CD163L1: variants seen among roughly 807,000 people sequenced by gnomAD.
CD163L1 encodes scavenger receptor cysteine-rich type 1 protein M160.
In CD163L1, 124 loss-of-function variants were observed where a neutral mutation model predicts 165.4. The ratio of observed to expected loss-of-function variants is 0.75; its 90% CI spans 0.65 to 0.87. The LOEUF (loss-of-function observed/expected upper bound fraction) is 0.87. CD163L1 is among the 40% of genes least tolerant of loss of function. CD163L1 has a pLI of 0.00. For synonymous variants in CD163L1, 585 were observed against 662.2 expected (o/e 0.88, Z 1.79); for missense variants, 1,525 against 1,799.9 (o/e 0.85, Z 2.76).
chr12:7,348,583 T>C (rs904978621), intron 4 of CD163L1, among the ~76,000 whole-genome samples: 2 of 152,174 alleles, frequency 1.3e-5, no homozygotes, highest in Non-Finnish European at 2.9e-5. Flanking sequence ...TAAGCTTTGT[T>C]ACCTTCAGCA....
intron 4 of CD163L1, among the ~76,000 whole-genome samples, chr12:7,423,433 G>T (rs1322420579): frequency 1.3e-5 from 2 of 151,644 alleles, no homozygotes; most frequent in Non-Finnish European, 2.9e-5. Flanking sequence ...GAGAAGGAGA[G>T]CATACAAATT....
intron 4 of CD163L1, among the ~76,000 whole-genome samples, chr12:7,419,586 G>A (rs1948309514): frequency 6.6e-6 from 1 of 151,962 alleles, no homozygotes; most frequent in Non-Finnish European, 1.5e-5. Flanking sequence ...TTGCTGATAT[G>A]ATCATATACC....
chr12:7,421,439 A>G (rs1441725802), intron 4 of CD163L1, among the ~76,000 whole-genome samples: 5 of 110,832 alleles, frequency 4.5e-5, no homozygotes, highest in Admixed American at 9.2e-5. Flanking sequence ...GTACATATAT[A>G]CATATACATA....
the CD163L1 span, chr12:7,323,469 A>G: frequency 2.5e-6 from 4 of 1,613,778 alleles, no homozygotes; most frequent in African/African-American, 4.0e-5. Context: ...ATTATAGATG[A>G]AAATGGCAAT....
At chr12:7,322,552 AG>A in the CD163L1 span, 2 of 1,610,138 alleles carry the variant, frequency 1.2e-6, no homozygotes, top group South Asian at 1.1e-5. Flanking sequence ...GTATATCTAA[AG>A]GGCATTTATG....
chr12:7,343,265 C>G (rs1946649005), downstream of CD163L1, among the ~76,000 whole-genome samples: 1 of 152,186 alleles, frequency 6.6e-6, no homozygotes, highest in African/African-American at 2.4e-5. Flanking sequence ...GGAGGAATTT[C>G]AGGATGGAAT....
chr12:7,441,108 G>T, intron 2 of CD163L1, 46 bp downstream of exon 2: 2 of 1,335,790 alleles, frequency 1.5e-6, no homozygotes, highest in Non-Finnish European at 2.2e-6. Context: ...GGGAAAGGTA[G>T]AATAGAGGAT....
chr12:7,375,903 G>A lies in CD163L1; in HGVS notation c.2483C>T (p.Ala828Val). ...SVCDSDFSLHAANVLCRELNC... is the reference protein window; with the variant it reads ...SVCDSDFSLHVANVLCRELNC... ...TAATTCTCTGCACAGCACATTGGCA[G>A]CATGAAGAGAGAAATCAGAATCACA... is the stretch of plus-strand genomic sequence containing the variant. The change falls in exon 10 of 20, where the codon GCT becomes GTT. Residue 828 changes from alanine to valine, a missense_variant. Coordinates refer to ENST00000313599, the MANE Select transcript of CD163L1 (RefSeq NM_174941.6). The A allele has an allele frequency of 2.5e-6, 4 of 1,614,196 alleles. No homozygotes were observed. Among genetic ancestry groups the A allele is most frequent in the Non-Finnish European group, 3.4e-6 (4 of 1,180,028 alleles).
chr12:7,427,026 AG>A (rs1948555685), intron 4 of CD163L1, among the ~76,000 whole-genome samples: 2 of 152,152 alleles, frequency 1.3e-5, no homozygotes. Context: ...AATATATATG[AG>A]CCCCTGTCAA....
At chr12:7,426,902 A>G (rs1354960180) in intron 4 of CD163L1, among the ~76,000 whole-genome samples, 1 of 152,144 alleles carries the variant, frequency 6.6e-6, no homozygotes, top group African/African-American at 2.4e-5. Context: ...AAGCTAGAGC[A>G]CCTGTGCTTA....
intron 4 of CD163L1, among the ~76,000 whole-genome samples, chr12:7,413,503 C>T (rs1948178422): frequency 6.6e-6 from 1 of 152,190 alleles, no homozygotes; most frequent in African/African-American, 2.4e-5. Flanking sequence ...TGCTCACATG[C>T]CATGTAGGAT....
intron 9 of CD163L1, among the ~76,000 whole-genome samples, chr12:7,377,710 A>G (rs1236648318): frequency 6.6e-6 from 1 of 152,110 alleles, no homozygotes; most frequent in Non-Finnish European, 1.5e-5. Flanking sequence ...TTTGGAATTG[A>G]TGTCCCCATC....
chr12:7,374,925 T>C lies in CD163L1; in HGVS notation c.3002-2A>G. On this transcript the variant is annotated splice_acceptor_variant, in intron 11 of 19. Transcript: ENST00000313599. LOFTEE classifies it high-confidence loss of function. This position sits in a 1 kb window ranked among gnomAD's most constrained non-coding sequence, Gnocchi z 5.4. Reference sequence around the variant, plus strand: ...GAAACAGTGGCTGGGTCAGGCTTCCTGGTGGAGGGTGCAGGAAATGGGGCA... The same window carrying C: ...GAAACAGTGGCTGGGTCAGGCTTCCCGGTGGAGGGTGCAGGAAATGGGGCA... 3.7e-6 allele frequency: 6 copies of C among 1,614,108 alleles called. No individual in the cohort carries two copies. The highest frequency in any genetic ancestry group is 1.1e-5 in the South Asian group (1 of 91,080).
At chr12:7,385,290 A>G (rs971769291) in intron 8 of CD163L1, among the ~76,000 whole-genome samples, 1 of 151,950 alleles carries the variant, frequency 6.6e-6, no homozygotes, top group Non-Finnish European at 1.5e-5. Flanking sequence ...AGATAAATTG[A>G]TCAATTTATT....
chr12:7,325,485 A>G, the CD163L1 span, among the ~76,000 whole-genome samples: 67 of 152,292 alleles, frequency 4.4e-4, no homozygotes, highest in Non-Finnish European at 8.1e-4. Context: ...TGTCTCTACT[A>G]AAAATACAAA....
At chr12:7,375,651 A>C in intron 10 of CD163L1, 49 bp downstream of exon 10, 2 of 1,610,698 alleles carry the variant, frequency 1.2e-6, no homozygotes, top group Middle Eastern at 1.7e-4. Flanking sequence ...TCCAGCCCCA[A>C]ACTCCCCATC....
chr12:7,332,460 C>A, the CD163L1 span, among the ~76,000 whole-genome samples: 1 of 152,236 alleles, frequency 6.6e-6, no homozygotes, highest in East Asian at 1.9e-4. Context: ...TCGAGAAGAG[C>A]AACTCCAAGA....
chr12:7,441,821 C>T (rs774585969), intron 1 of CD163L1, among the ~76,000 whole-genome samples: 3 of 152,152 alleles, frequency 2.0e-5, no homozygotes, highest in Non-Finnish European at 4.4e-5. Context: ...GATTATTTAC[C>T]AAAGCTATCC....
intron 4 of CD163L1, among the ~76,000 whole-genome samples, chr12:7,421,080 T>C (rs1433176548): frequency 1.6e-5 from 2 of 123,146 alleles, no homozygotes; most frequent in Non-Finnish European, 3.2e-5. Context: ...TATACGTATA[T>C]ATATACGTAT....
Sources: gnomAD v4.1 joint callset for allele counts (sites outside exome capture counted in the v4.1 genomes callset) on GRCh38, gnomAD v4.1.1 for gene constraint, Gnocchi (gnomAD v3.1) non-coding constraint, MANE v1.5 for transcripts, NCBI Gene and HGNC (gene_info 2026-07-23, HGNC 2026-07-21) for gene names.